Variants in LYPD6B observed in about 807,000 individuals in gnomAD.
LYPD6B encodes the protein LY6/PLAUR domain containing 6B.
Under a neutral mutation model 22.8 loss-of-function variants are expected in LYPD6B, and 17 were observed. That is an observed-to-expected ratio of 0.75 (90% CI 0.51 to 1.12). LYPD6B has a LOEUF of 1.12. Among genes scored for constraint, LYPD6B ranks in the 50% most tolerant of loss-of-function variants. The pLI is 0.00. For synonymous variants in LYPD6B, 106 were observed against 91.6 expected (o/e 1.16, Z -0.90); for missense variants, 221 against 258.3 (o/e 0.86, Z 0.99).
rs1690003867 is a variant in LYPD6B at position 149,160,752 on chromosome 2, T to A, written c.6-12T>A. 4.5e-6 allele frequency: 7 copies of A among 1,547,664 alleles called. No individual in the cohort carries two copies. Among genetic ancestry groups the A allele is most frequent in the Non-Finnish European group, 6.1e-6 (7 of 1,142,696 alleles). On this transcript the variant is annotated splice_polypyrimidine_tract_variant and intron_variant, in intron 2 of 6. Transcript: ENST00000409642. ...CAGTGGCTCTTTCCTTATCTTTTTT[T>A]ATCTCTGGTAGGCTGATTACTCTGA...
chr2:149,136,726 G>A (rs1688393884), intron 2 of LYPD6B, among the ~76,000 whole-genome samples: 1 of 152,188 alleles, frequency 6.6e-6, no homozygotes, highest in African/African-American at 2.4e-5. Context: ...TAAGCTTTGT[G>A]AGAAAATAAT....
chr2:149,064,017 G>A (rs889537754), intron 1 of LYPD6B, among the ~76,000 whole-genome samples: 2 of 152,154 alleles, frequency 1.3e-5, no homozygotes, highest in Non-Finnish European at 2.9e-5. Flanking sequence ...AGATAGATGC[G>A]GAATTTAATA....
At chr2:149,106,980 T>C (rs966180000) in intron 1 of LYPD6B, among the ~76,000 whole-genome samples, 1 of 152,144 alleles carries the variant, frequency 6.6e-6, no homozygotes, top group Admixed American at 6.6e-5. Context: ...CCATGGATAG[T>C]GCGGAACCCT....
intron 1 of LYPD6B, among the ~76,000 whole-genome samples, chr2:149,122,456 C>T (rs746743013): frequency 5.3e-5 from 8 of 150,302 alleles, no homozygotes; most frequent in Admixed American, 1.3e-4. Flanking sequence ...TTCTAGGGTA[C>T]ATGTGCACAA....
intron 3 of LYPD6B, among the ~76,000 whole-genome samples, chr2:149,184,338 T>G (rs187850197): frequency 4.3e-4 from 66 of 152,314 alleles, no homozygotes; most frequent in Non-Finnish European, 1.3e-4. Context: ...TGGGATACAT[T>G]CATCAATGTG....
intron 1 of LYPD6B, among the ~76,000 whole-genome samples, chr2:149,104,907 A>G (rs1686395395): frequency 6.6e-6 from 1 of 152,194 alleles, no homozygotes; most frequent in South Asian, 2.1e-4. Flanking sequence ...TTAATTAAGA[A>G]AGTTTAAAAT....
At chr2:149,069,584 G>C (rs1288504645) in intron 1 of LYPD6B, among the ~76,000 whole-genome samples, 3 of 152,092 alleles carry the variant, frequency 2.0e-5, no homozygotes, top group African/African-American at 7.2e-5. Context: ...AGGATGTGTG[G>C]TCTGGATACT....
chr2:149,142,895 G>T (rs1463897015), intron 2 of LYPD6B, among the ~76,000 whole-genome samples: 1 of 152,128 alleles, frequency 6.6e-6, no homozygotes, highest in East Asian at 1.9e-4. Context: ...TCTTTAGGGA[G>T]TAACCTTCGT....
intron 5 of LYPD6B, among the ~76,000 whole-genome samples, chr2:149,209,434 A>G (rs111513211): frequency 5.6e-4 from 85 of 152,316 alleles, no homozygotes; most frequent in African/African-American, 2.0e-3. Context: ...ATGAATTGAA[A>G]TGTTAAAACC....
At chr2:149,083,794 A>G (rs535021907) in intron 1 of LYPD6B, among the ~76,000 whole-genome samples, 1 of 152,226 alleles carries the variant, frequency 6.6e-6, no homozygotes, top group South Asian at 2.1e-4. Context: ...AGTACACTTT[A>G]GGCCGGGTGC....
intron 1 of LYPD6B, among the ~76,000 whole-genome samples, chr2:149,108,855 T>G (rs561707185): frequency 6.6e-6 from 1 of 152,318 alleles, no homozygotes; most frequent in East Asian, 1.9e-4. Context: ...TATGCCTGTT[T>G]GTTTTATTTT....
chr2:149,162,799 A>G (rs1350078562), intron 3 of LYPD6B, among the ~76,000 whole-genome samples: 7 of 152,088 alleles, frequency 4.6e-5, no homozygotes, highest in Non-Finnish European at 8.8e-5. Flanking sequence ...AAACGTAACC[A>G]AGTCGTTTCT....
At chr2:149,116,973 C>T (rs761538217) in intron 1 of LYPD6B, among the ~76,000 whole-genome samples, 2 of 152,046 alleles carry the variant, frequency 1.3e-5, no homozygotes, top group Admixed American at 6.6e-5. Flanking sequence ...GCAGAATCCC[C>T]GTCTTCCTAA....
At chr2:149,115,363 A>G (rs1686951959) in intron 1 of LYPD6B, among the ~76,000 whole-genome samples, 1 of 152,246 alleles carries the variant, frequency 6.6e-6, no homozygotes, top group Non-Finnish European at 1.5e-5. Context: ...GAATGTTTTC[A>G]TGGTCAAATG....
At chr2:149,040,765 T>C (rs1356038982) in intron 1 of LYPD6B, among the ~76,000 whole-genome samples, 2 of 152,228 alleles carry the variant, frequency 1.3e-5, no homozygotes, top group African/African-American at 4.8e-5. Context: ...TAGTCTGCAG[T>C]AGAATGTAGA....
At chr2:149,141,602 T>C (rs557825495) in intron 2 of LYPD6B, among the ~76,000 whole-genome samples, 3 of 152,332 alleles carry the variant, frequency 2.0e-5, no homozygotes, top group Admixed American at 6.5e-5. Flanking sequence ...CTTACTTTTT[T>C]TCTTTTTATT....
chr2:149,073,807 C>T (rs1020158413), intron 1 of LYPD6B, among the ~76,000 whole-genome samples: 1 of 151,922 alleles, frequency 6.6e-6, no homozygotes, highest in African/African-American at 2.4e-5. Context: ...GATCCTTTCC[C>T]TTTAGCCCAT....
chr2:149,053,392 A>C (rs1683651769), intron 1 of LYPD6B, among the ~76,000 whole-genome samples: 1 of 152,246 alleles, frequency 6.6e-6, no homozygotes, highest in South Asian at 2.1e-4. Flanking sequence ...ACTATAAACA[A>C]CATTGCAGAG....
chr2:149,137,717 T>C (rs1004004875), intron 2 of LYPD6B, among the ~76,000 whole-genome samples: 1 of 152,040 alleles, frequency 6.6e-6, no homozygotes, highest in Non-Finnish European at 1.5e-5. Flanking sequence ...TTTCATTTTT[T>C]CTTTCATAAA....
Sources: gnomAD v4.1 joint callset for allele counts (sites outside exome capture counted in the v4.1 genomes callset) on GRCh38, gnomAD v4.1.1 for gene constraint, MANE v1.5 for transcripts, NCBI Gene and HGNC (gene_info 2026-07-23, HGNC 2026-07-21) for gene names.